SLC44A5: variants seen among roughly 807,000 people sequenced by gnomAD.
SLC44A5 encodes solute carrier family 44 member 5.
Under a neutral mutation model 101.8 loss-of-function variants are expected in SLC44A5, and 57 were observed. That is an observed-to-expected ratio of 0.56 (90% CI 0.45 to 0.70). The LOEUF is 0.70. Ranked by LOEUF, SLC44A5 falls within the 30% of genes least tolerant of loss-of-function variation. The pLI, the probability that SLC44A5 is intolerant of heterozygous loss-of-function variation, is 0.00. For synonymous variants in SLC44A5, 281 were observed against 290.9 expected (o/e 0.97, Z 0.35); for missense variants, 737 against 853.1 (o/e 0.86, Z 1.70).
intron 1 of SLC44A5, among the ~76,000 whole-genome samples, chr1:75,596,247 A>G (rs1315010455): frequency 6.6e-6 from 1 of 151,922 alleles, no homozygotes; most frequent in Admixed American, 6.6e-5. Flanking sequence ...TTCACGAGAG[A>G]AAATTGAATC....
the SLC44A5 span, among the ~76,000 whole-genome samples, chr1:75,630,283 C>G: frequency 6.6e-6 from 1 of 152,152 alleles, no homozygotes; most frequent in Non-Finnish European, 1.5e-5. Flanking sequence ...TGGGGTCCAC[C>G]TCTCAGTTCC....
intron 1 of SLC44A5, among the ~76,000 whole-genome samples, chr1:75,609,469 A>T (rs1202771746): frequency 6.6e-6 from 1 of 152,084 alleles, no homozygotes; most frequent in Non-Finnish European, 1.5e-5. Flanking sequence ...TGTAGATTTT[A>T]AGAAACTTTC....
At chr1:75,446,119 C>T (rs1015305359) in intron 2 of SLC44A5, among the ~76,000 whole-genome samples, 2 of 152,200 alleles carry the variant, frequency 1.3e-5, no homozygotes, top group African/African-American at 4.8e-5. Flanking sequence ...ATTAGTTCTA[C>T]TCCCAGTCCT....
chr1:75,365,061 T>C (rs1488879271), intron 3 of SLC44A5, among the ~76,000 whole-genome samples: 1 of 152,208 alleles, frequency 6.6e-6, no homozygotes, highest in African/African-American at 2.4e-5. Flanking sequence ...TTGTTCATTG[T>C]TTTATGAAGG....
chr1:75,676,131 A>G, the SLC44A5 span, among the ~76,000 whole-genome samples: 1 of 152,242 alleles, frequency 6.6e-6, no homozygotes, highest in Non-Finnish European at 1.5e-5. Flanking sequence ...TCTGGAAGAC[A>G]GTGTGGCAAT....
the SLC44A5 span, among the ~76,000 whole-genome samples, chr1:75,716,344 G>T: frequency 6.6e-6 from 1 of 152,052 alleles, no homozygotes; most frequent in Non-Finnish European, 1.5e-5. Context: ...GGTGGCCTGT[G>T]CCTGTAGTCC....
At chr1:75,306,739 T>C (rs939409269) in intron 4 of SLC44A5, among the ~76,000 whole-genome samples, 1 of 121,038 alleles carries the variant, frequency 8.3e-6, no homozygotes, top group South Asian at 2.8e-4. Context: ...CTTTCTTTTT[T>C]TTTTTTTTTT....
intron 4 of SLC44A5, among the ~76,000 whole-genome samples, chr1:75,317,320 A>T (rs1655768059): frequency 6.6e-6 from 1 of 152,222 alleles, no homozygotes; most frequent in Admixed American, 6.5e-5. Flanking sequence ...TGCCTCAGCC[A>T]GTTTCCCCAC....
chr1:75,272,187 T>G (rs1651533772), intron 6 of SLC44A5, among the ~76,000 whole-genome samples: 1 of 152,178 alleles, frequency 6.6e-6, no homozygotes, highest in African/African-American at 2.4e-5. Flanking sequence ...CTGATTTGTT[T>G]GAGTTACTTG....
In SLC44A5 at chr1:75,576,299, T is replaced by C. The variant is rs1673358812; in HGVS notation, c.-70+34741A>G. Among the ~76,000 whole-genome samples, 6 of 152,022 alleles carry C rather than the reference T, an allele frequency of 3.9e-5. No individual in the cohort carries two copies. In the South Asian group the frequency reaches 1.0e-3, roughly 26 times the overall value. Reference sequence around the variant, plus strand: ...AGAGAAACCAAAATACTTAAGGTTTTATAAATGTTCCTTTTTTTTTTTCTT... The same window carrying C: ...AGAGAAACCAAAATACTTAAGGTTTCATAAATGTTCCTTTTTTTTTTTCTT... On this transcript the variant is annotated intron_variant, in intron 1 of 23. Coordinates refer to ENST00000370859, the MANE Select transcript of SLC44A5 (RefSeq NM_001130058.2).
intron 5 of SLC44A5, among the ~76,000 whole-genome samples, chr1:75,297,469 G>A (rs953972232): frequency 6.6e-6 from 1 of 152,006 alleles, no homozygotes; most frequent in Non-Finnish European, 1.5e-5. Context: ...ATTTCTCGTA[G>A]GGACAGGATT....
At chr1:75,538,315 C>T (rs1180499101) in intron 2 of SLC44A5, among the ~76,000 whole-genome samples, 3 of 152,072 alleles carry the variant, frequency 2.0e-5, no homozygotes, top group African/African-American at 7.2e-5. Flanking sequence ...ATGTCTCAAC[C>T]TCTGTATTCT....
intron 2 of SLC44A5, among the ~76,000 whole-genome samples, chr1:75,474,067 T>A (rs932478358): frequency 6.6e-6 from 1 of 152,200 alleles, no homozygotes; most frequent in African/African-American, 2.4e-5. Context: ...GTGAGCAGAT[T>A]TGCTGCTTCA....
At chr1:75,592,890 A>C (rs947774108) in intron 1 of SLC44A5, among the ~76,000 whole-genome samples, 1 of 152,152 alleles carries the variant, frequency 6.6e-6, no homozygotes, top group Non-Finnish European at 1.5e-5. Context: ...TGAAACTACT[A>C]TAAGAAAACA....
At chr1:75,261,685 C>T (rs1557591438) in intron 6 of SLC44A5, among the ~76,000 whole-genome samples, 1 of 152,040 alleles carries the variant, frequency 6.6e-6, no homozygotes, top group African/African-American at 2.4e-5. Context: ...CAGCATCATC[C>T]TAATGCCAAA....
At chr1:75,306,284 A>G (rs1213633874) in intron 4 of SLC44A5, among the ~76,000 whole-genome samples, 1 of 152,304 alleles carries the variant, frequency 6.6e-6, no homozygotes, top group East Asian at 1.9e-4. Context: ...TAGACCATAA[A>G]GTCCTCTATT....
chr1:75,364,478 T>C (rs1327961679), intron 3 of SLC44A5, among the ~76,000 whole-genome samples: 4 of 152,114 alleles, frequency 2.6e-5, no homozygotes, highest in Non-Finnish European at 5.9e-5. Context: ...GGGATGATGC[T>C]AAACCATTCA....
chr1:75,530,712 T>C (rs920716353), intron 2 of SLC44A5, among the ~76,000 whole-genome samples: 1 of 152,212 alleles, frequency 6.6e-6, no homozygotes, highest in Non-Finnish European at 1.5e-5. Flanking sequence ...ACTTGGGTAC[T>C]TTACGAGTGA....
At chr1:75,282,265 AT>A (rs1652667243) in intron 5 of SLC44A5, among the ~76,000 whole-genome samples, 1 of 152,216 alleles carries the variant, frequency 6.6e-6, no homozygotes, top group Non-Finnish European at 1.5e-5. Context: ...CATGGGGCCT[AT>A]AGCCCCTTTG....
Sources: gnomAD v4.1 joint callset for allele counts (sites outside exome capture counted in the v4.1 genomes callset) on GRCh38, gnomAD v4.1.1 for gene constraint, MANE v1.5 for transcripts, NCBI Gene and HGNC (gene_info 2026-07-23, HGNC 2026-07-21) for gene names.